CSMD3: variants seen among roughly 807,000 people sequenced by gnomAD.
The protein encoded by CSMD3 is CUB and sushi domain-containing protein 3.
Under a neutral mutation model 435.2 loss-of-function variants are expected in CSMD3, and 177 were observed. That is an observed-to-expected ratio of 0.41 (90% CI 0.36 to 0.46). The LOEUF (loss-of-function observed/expected upper bound fraction) is 0.46, where lower values mean the gene tolerates loss of function less well. Among genes scored for constraint, CSMD3 ranks in the 20% least tolerant of loss-of-function variants. The probability of loss-of-function intolerance (pLI) is 0.34; values close to 1 mark genes in which losing one functional copy is unlikely to be tolerated. For missense variants in CSMD3, 4,265 were observed against 4,504.6 expected, an observed-to-expected ratio of 0.95 and a Z score of 1.52; for synonymous variants, 1,656 against 1,520.5, an observed-to-expected ratio of 1.09 and a Z score of -2.07.
intron 5 of CSMD3, among the ~76,000 whole-genome samples, chr8:113,029,449 A>G (rs1382405253): frequency 6.6e-6 from 1 of 151,584 alleles, no homozygotes; most frequent in Non-Finnish European, 1.5e-5. Context: ...GTTTCATACC[A>G]GGGATGCAGG....
intron 11 of CSMD3, among the ~76,000 whole-genome samples, chr8:112,844,797 T>C (rs2080272079): frequency 6.6e-6 from 1 of 151,950 alleles, no homozygotes; most frequent in African/African-American, 2.4e-5. Flanking sequence ...ATCTCGGTTG[T>C]TTTAATTAAG....
At chr8:112,929,127 A>ATGG (rs906811012) in intron 9 of CSMD3, among the ~76,000 whole-genome samples, 101 of 143,606 alleles carry the variant, frequency 7.0e-4, no homozygotes, top group Admixed American at 1.4e-3. Flanking sequence ...CCACTTTTTG[A>ATGG]TGGGGTTGTT....
chr8:112,563,267 A>G (rs770429407), intron 24 of CSMD3, among the ~76,000 whole-genome samples: 21 of 151,930 alleles, frequency 1.4e-4, no homozygotes, highest in African/African-American at 1.9e-4. Flanking sequence ...CTTTAAAGCT[A>G]CAACTTTAGA....
rs551733478 is a variant in CSMD3, at chr8:112,460,582, A to G, written c.5395+12009T>C. ...CATCCCATATGATCTCTGTCCAGAT[A>G]TTGATTTCATTTATGTTATCTACCA... On this transcript the variant is annotated intron_variant, in intron 32 of 70. Coordinates refer to ENST00000297405, the MANE Select transcript of CSMD3 (RefSeq NM_198123.2). Among the ~76,000 whole-genome samples the G allele has an allele frequency of 2.6e-5, 4 of 152,202 alleles. No homozygotes were observed. The South Asian group carries it at 6.2e-4, about 24-fold the overall frequency.
rs367774996 is a variant in CSMD3, at chr8:113,250,928, G to C, written c.514+27664C>G. Among the ~76,000 whole-genome samples the C allele has an allele frequency of 2.0e-5, 3 of 152,076 alleles. No homozygotes were observed. The East Asian group carries it at 5.8e-4, about 29-fold the overall frequency. On this transcript the variant is annotated intron_variant, in intron 3 of 70. Coordinates refer to ENST00000297405, the MANE Select transcript of CSMD3 (RefSeq NM_198123.2). ...ATTGGGCATTCAAAAAATAAATAAAGTGTAAATTACAGAAGTTTAAGTGGA... is the reference window on the plus strand; with the variant it reads ...ATTGGGCATTCAAAAAATAAATAAACTGTAAATTACAGAAGTTTAAGTGGA...
chr8:113,266,463 C>A (rs1051087063), intron 3 of CSMD3, among the ~76,000 whole-genome samples: 2 of 151,284 alleles, frequency 1.3e-5, no homozygotes, highest in Non-Finnish European at 3.0e-5. Flanking sequence ...GGAATCACAG[C>A]TAACAGTTCT....
chr8:112,540,730 T>C (rs1306141795), intron 27 of CSMD3, among the ~76,000 whole-genome samples: 1 of 151,860 alleles, frequency 6.6e-6, no homozygotes, highest in Non-Finnish European at 1.5e-5. Flanking sequence ...TAACAAAAAA[T>C]TGATCTCATG....
intron 38 of CSMD3, among the ~76,000 whole-genome samples, chr8:112,360,207 C>T (rs1827053443): frequency 6.6e-6 from 1 of 151,976 alleles, no homozygotes; most frequent in African/African-American, 2.4e-5. Flanking sequence ...ATCATTCTCA[C>T]TGAGAAGGCC....
intron 10 of CSMD3, among the ~76,000 whole-genome samples, chr8:112,905,302 A>G (rs1564088211): frequency 1.3e-5 from 1 of 79,190 alleles, no homozygotes; most frequent in Admixed American, 1.6e-4. Flanking sequence ...AACATATACT[A>G]TGTGTATATA....
chr8:112,578,484 G>A (rs1371637207), intron 23 of CSMD3, among the ~76,000 whole-genome samples: 4 of 151,826 alleles, frequency 2.6e-5, no homozygotes, highest in Non-Finnish European at 5.9e-5. Context: ...CTTTGAGAGT[G>A]CTTTTGAAGG....
intron 24 of CSMD3, among the ~76,000 whole-genome samples, chr8:112,569,912 A>G (rs1432612745): frequency 1.3e-5 from 2 of 152,072 alleles, no homozygotes; most frequent in Non-Finnish European, 2.9e-5. Flanking sequence ...GATCCTCCCT[A>G]GACAAATGTT....
At chr8:112,669,200 T>G (rs2075599217) in intron 16 of CSMD3, among the ~76,000 whole-genome samples, 1 of 151,828 alleles carries the variant, frequency 6.6e-6, no homozygotes, top group Non-Finnish European at 1.5e-5. Flanking sequence ...ACCCGGCTAA[T>G]TTTTTGTATT....
chr8:112,226,388 T>C (rs1812559349), intron 70 of CSMD3, among the ~76,000 whole-genome samples: 1 of 152,112 alleles, frequency 6.6e-6, no homozygotes. Flanking sequence ...AGGAAAATAT[T>C]ACCAAGTTTT....
chr8:112,644,460 T>C (rs1272294756), intron 20 of CSMD3, among the ~76,000 whole-genome samples: 1 of 152,076 alleles, frequency 6.6e-6, no homozygotes, highest in Non-Finnish European at 1.5e-5. Flanking sequence ...AAGTAGGTTG[T>C]AAAAGTTTTA....
intron 5 of CSMD3, among the ~76,000 whole-genome samples, chr8:113,033,291 C>T (rs2087198259): frequency 6.6e-6 from 1 of 151,636 alleles, no homozygotes; most frequent in Non-Finnish European, 1.5e-5. Context: ...CAATGCCAGC[C>T]ATGAAAGCAG....
At chr8:112,898,511 C>T (rs1401077684) in intron 10 of CSMD3, among the ~76,000 whole-genome samples, 16 of 151,108 alleles carry the variant, frequency 1.1e-4, no homozygotes, top group Admixed American at 9.9e-4. Flanking sequence ...ACTTCATTTA[C>T]TTCTTATTTT....
At chr8:112,949,761 T>G (rs958189883) in intron 8 of CSMD3, among the ~76,000 whole-genome samples, 1 of 152,064 alleles carries the variant, frequency 6.6e-6, no homozygotes, top group Non-Finnish European at 1.5e-5. Flanking sequence ...ATTCTAGATT[T>G]TCTACTGTAT....
intron 22 of CSMD3, among the ~76,000 whole-genome samples, chr8:112,597,942 C>T (rs2131399442): frequency 7.1e-6 from 1 of 141,014 alleles, no homozygotes; most frequent in South Asian, 2.4e-4. Context: ...GAAGCATTCC[C>T]TTTGAAAACT....
At chr8:113,015,780 TTAAAAAA>T (rs2086433162) in intron 6 of CSMD3, among the ~76,000 whole-genome samples, 1 of 151,840 alleles carries the variant, frequency 6.6e-6, no homozygotes, top group East Asian at 1.9e-4. Context: ...CCCTTCCAAT[TTAAAAAA>T]TAAGTAAATA....
Sources: gnomAD v4.1 joint callset for allele counts (sites outside exome capture counted in the v4.1 genomes callset) on GRCh38, gnomAD v4.1.1 for gene constraint, MANE v1.5 for transcripts, NCBI Gene and HGNC (gene_info 2026-07-23, HGNC 2026-07-21) for gene names.